MCCC2: variants seen among roughly 807,000 people sequenced by gnomAD.
MCCC2 encodes the protein methylcrotonyl-CoA carboxylase subunit 2.
MCCC2 carries 52 observed loss-of-function variants against 77.2 expected under a neutral mutation model. The observed-to-expected ratio is 0.67, with a 90% CI of 0.54 to 0.85. The LOEUF is 0.85. Among genes scored for constraint, MCCC2 ranks in the 40% least tolerant of loss-of-function variants. The probability of loss-of-function intolerance (pLI) is 0.00; values close to 1 mark genes in which losing one functional copy is unlikely to be tolerated. For synonymous variants in MCCC2, 253 were observed against 248.4 expected, an observed-to-expected ratio of 1.02 and a Z score of -0.18; for missense variants, 682 against 703.2, an observed-to-expected ratio of 0.97 and a Z score of 0.34.
intron 10 of MCCC2, chr5:71,636,633 G>A (rs1170190012): frequency 6.6e-6 from 1 of 152,074 alleles, no homozygotes; most frequent in Non-Finnish European, 1.5e-5. Flanking sequence ...CCTGGGAGCA[G>A]AGGTTGCAGT....
chr5:71,618,592 G>T (rs1746260974), intron 6 of MCCC2, among the ~76,000 whole-genome samples: 1 of 146,142 alleles, frequency 6.8e-6, no homozygotes, highest in African/African-American at 2.6e-5. Flanking sequence ...AAGTCTTGCT[G>T]CTCAGGCTGG....
chr5:71,637,918 T>C (rs1384591912), intron 10 of MCCC2, among the ~76,000 whole-genome samples: 3 of 152,022 alleles, frequency 2.0e-5, no homozygotes, highest in East Asian at 1.9e-4. Flanking sequence ...TTCACCGTAT[T>C]AGCCAGGATA....
intron 12 of MCCC2, 101 bp from the exon 13 acceptor site, chr5:71,646,110 A>G: frequency 9.8e-7 from 1 of 1,015,422 alleles, no homozygotes; most frequent in South Asian, 1.4e-5. Flanking sequence ...AAAGGGGAGT[A>G]TTCTTTCTTG....
At chr5:71,614,528 C>T (rs2112374490) in intron 6 of MCCC2, among the ~76,000 whole-genome samples, 1 of 149,884 alleles carries the variant, frequency 6.7e-6, no homozygotes, top group Admixed American at 6.7e-5. Context: ...TGTCCCCAGG[C>T]TGGAGTGCAG....
intron 6 of MCCC2, among the ~76,000 whole-genome samples, chr5:71,615,739 A>C (rs575269058): frequency 6.6e-6 from 1 of 152,292 alleles, no homozygotes; most frequent in Admixed American, 6.5e-5. Flanking sequence ...TTCCTCCGAC[A>C]GAGTTCCTAA....
At chr5:71,654,637 G>T (rs1292279184) in intron 16 of MCCC2, among the ~76,000 whole-genome samples, 1 of 151,946 alleles carries the variant, frequency 6.6e-6, no homozygotes, top group Admixed American at 6.6e-5. Flanking sequence ...TGTGTATTTT[G>T]TGTGAGCTGT....
chr5:71,615,790 A>G (rs1369204080), intron 6 of MCCC2, among the ~76,000 whole-genome samples: 2 of 152,136 alleles, frequency 1.3e-5, no homozygotes, highest in South Asian at 2.1e-4. Flanking sequence ...CTTTTGTTCT[A>G]TGATTTGGTC....
chr5:71,614,180 A>C (rs902822473), intron 6 of MCCC2, among the ~76,000 whole-genome samples: 1 of 151,894 alleles, frequency 6.6e-6, no homozygotes, highest in Non-Finnish European at 1.5e-5. Context: ...AAGTTTCCAT[A>C]GTATCTGTTC....
At chr5:71,631,730 C>T (rs1292592583) in intron 7 of MCCC2, among the ~76,000 whole-genome samples, 6 of 151,732 alleles carry the variant, frequency 4.0e-5, no homozygotes, top group African/African-American at 1.2e-4. Context: ...TTAGTAGAGA[C>T]GGGGTTTCAC....
Position 71,643,822 on chromosome 5 carries a change from T to G in MCCC2, c.1076T>G (p.Phe359Cys). 1 of 1,614,174 alleles carries G rather than the reference T, an allele frequency of 6.2e-7. No homozygotes were observed. Among genetic ancestry groups the G allele is most frequent in the South Asian group, 1.1e-5 (1 of 91,088 alleles). ...AFYGDTLVTGFARIFGYPVGI... is the reference protein window; with the variant it reads ...AFYGDTLVTGCARIFGYPVGI... ...CTTCTTTGAACTTTCTTTTGAGGAT[T>G]TGCTCGAATATTTGGGTACCCAGTA... The change falls in exon 12 of 17, where the codon TTT (phenylalanine) becomes TGT (cysteine). Residue 359 changes from phenylalanine (F) to cysteine (C), a missense_variant. Phe to Cys is a radical substitution (Grantham distance 205, BLOSUM62 -2). Coordinates refer to ENST00000340941, the MANE Select transcript of MCCC2 (RefSeq NM_022132.5).
intron 6 of MCCC2, among the ~76,000 whole-genome samples, chr5:71,610,660 T>C (rs1265364334): frequency 6.6e-6 from 1 of 152,192 alleles, no homozygotes; most frequent in Admixed American, 6.5e-5. Context: ...TTATTAACTA[T>C]AGGAATACTC....
intron 6 of MCCC2, among the ~76,000 whole-genome samples, chr5:71,625,555 A>T (rs1746505632): frequency 6.6e-6 from 1 of 152,228 alleles, no homozygotes; most frequent in Non-Finnish European, 1.5e-5. Context: ...TAACAATGCT[A>T]TGTGAGTGTT....
chr5:71,635,069 T>G lies in MCCC2; in HGVS notation c.903+27T>G, dbSNP rs182520981. ...TGAGTACGATATGTTCTTATATCTTTTATTTTCCTGAAATGCATTTTGACT... is the reference window on the plus strand; with the variant it reads ...TGAGTACGATATGTTCTTATATCTTGTATTTTCCTGAAATGCATTTTGACT... On this transcript the variant is annotated intron_variant, in intron 9 of 16. Transcript: ENST00000340941. 1.5e-4 allele frequency: 248 copies of G among 1,613,212 alleles called. No individual in the cohort carries two copies. In the East Asian group the frequency reaches 5.2e-3, roughly 34 times the overall value.
At chr5:71,641,107 T>C (rs1747110479) in intron 11 of MCCC2, 32 bp downstream of exon 11, 2 of 1,578,276 alleles carry the variant, frequency 1.3e-6, no homozygotes, top group Non-Finnish European at 1.7e-6. Context: ...AATACGAACA[T>C]TTTCTGCTGC....
chr5:71,612,852 G>A (rs745889920), intron 6 of MCCC2, among the ~76,000 whole-genome samples: 1 of 152,212 alleles, frequency 6.6e-6, no homozygotes, highest in Non-Finnish European at 1.5e-5. Context: ...GGGTAGCTGG[G>A]ATTATAGGTG....
At chr5:71,594,994 G>A (rs1187293721) in intron 2 of MCCC2, among the ~76,000 whole-genome samples, 1 of 151,792 alleles carries the variant, frequency 6.6e-6, no homozygotes, top group Admixed American at 6.6e-5. Flanking sequence ...GGCCCCCCGG[G>A]TTCAAGCGAT....
intron 6 of MCCC2, among the ~76,000 whole-genome samples, chr5:71,621,401 C>G (rs1746344701): frequency 6.6e-6 from 1 of 152,126 alleles, no homozygotes; most frequent in Non-Finnish European, 1.5e-5. Context: ...CACTTTGTCA[C>G]CTTTTGGGAG....
intron 10 of MCCC2, 115 bp from the exon 11 acceptor site, chr5:71,640,888 G>A (rs906962859): frequency 1.2e-6 from 1 of 854,800 alleles, no homozygotes; most frequent in Non-Finnish European, 2.0e-6. Context: ...TCTGTGTAGT[G>A]TGAAATTTTG....
Position 71,593,009 on chromosome 5 carries a change from T to C in MCCC2, c.196+17T>C. On this transcript the variant is annotated intron_variant, in intron 2 of 16. Transcript: ENST00000340941. ...TAAAACTAGGTAAACACAGCATTTA[T>C]TCCACAGCTTATGCCTTTACTTAAG... is the stretch of plus-strand genomic sequence containing the variant. 1 of 1,592,812 alleles carries C rather than the reference T, an allele frequency of 6.3e-7. No individual in the cohort carries two copies.
Sources: allele counts gnomAD v4.1 joint callset (sites outside exome capture counted in the v4.1 genomes callset), GRCh38; gene constraint gnomAD v4.1.1; transcripts MANE v1.5; gene names NCBI Gene and HGNC (gene_info 2026-07-23, HGNC 2026-07-21).